MYL4: variants seen among roughly 807,000 people sequenced by gnomAD.
The protein encoded by MYL4 is myosin light chain 4, also known as atrial myosin light chain 1.
MYL4 carries 16 observed loss-of-function variants against 21.6 expected under a neutral mutation model. That is an observed-to-expected ratio of 0.74 (90% confidence interval 0.50 to 1.12). The LOEUF is 1.12. Among genes scored for constraint, MYL4 ranks in the 50% most tolerant of loss-of-function variants. The pLI is 0.00. For missense variants in MYL4, 249 were observed against 252.9 expected, an observed-to-expected ratio of 0.98 and a Z score of 0.11; for synonymous variants, 82 against 95.7, an observed-to-expected ratio of 0.86 and a Z score of 0.83.
At chr17:47,206,702 T>C (rs1056035751), upstream of MYL4, among the ~76,000 whole-genome samples, 4 of 152,148 alleles carry the variant, frequency 2.6e-5, no homozygotes, top group African/African-American at 9.7e-5. Flanking sequence ...CAGGATTCTG[T>C]TGAACATGGT....
upstream of MYL4, among the ~76,000 whole-genome samples, chr17:47,199,737 CTTTT>C (rs33975035): frequency 2.0e-5 from 2 of 101,270 alleles, no homozygotes; most frequent in African/African-American, 3.8e-5. Context: ...GTAGTAAAGT[CTTTT>C]TTTTTTTTTT....
At chr17:47,205,259 A>G (rs2064723187), upstream of MYL4, among the ~76,000 whole-genome samples, 1 of 152,220 alleles carries the variant, frequency 6.6e-6, no homozygotes, top group African/African-American at 2.4e-5. Context: ...AGAAACCACC[A>G]GATGCTTCCC....
chr17:47,193,735 T>C, the MYL4 span, among the ~76,000 whole-genome samples: 5 of 151,306 alleles, frequency 3.3e-5, no homozygotes, highest in Non-Finnish European at 5.9e-5. Flanking sequence ...TTCCTTCCTT[T>C]CTTTCTTTCT....
chr17:47,208,529 G>A (rs1396407940), upstream of MYL4, among the ~76,000 whole-genome samples: 1 of 150,058 alleles, frequency 6.7e-6, no homozygotes, highest in Non-Finnish European at 1.5e-5. Flanking sequence ...AACAGTTCCT[G>A]GTACTGATAG....
At chr17:47,197,498 G>A (rs766785247), upstream of MYL4, among the ~76,000 whole-genome samples, 2 of 152,108 alleles carry the variant, frequency 1.3e-5, no homozygotes, top group Admixed American at 6.6e-5. Context: ...GCTAAATGGC[G>A]TATGACTAGG....
At chr17:47,201,748 A>C (rs112715159) in intron 1 of MYL4, among the ~76,000 whole-genome samples, 1 of 151,970 alleles carries the variant, frequency 6.6e-6, no homozygotes, top group Non-Finnish European at 1.5e-5. Flanking sequence ...GAGCCACTGC[A>C]CCTGGCCGGA....
chr17:47,194,941 A>G, the MYL4 span, among the ~76,000 whole-genome samples: 1 of 148,500 alleles, frequency 6.7e-6, no homozygotes, highest in Non-Finnish European at 1.5e-5. Flanking sequence ...GGGTTTTGCC[A>G]TGTTGCTCAG....
chr17:47,193,051 T>C, the MYL4 span, among the ~76,000 whole-genome samples: 1 of 152,172 alleles, frequency 6.6e-6, no homozygotes, highest in South Asian at 2.1e-4. Flanking sequence ...CACTGAAACA[T>C]AGCCCAGAGT....
intron 1 of MYL4, among the ~76,000 whole-genome samples, chr17:47,210,050 C>T (rs2149041210): frequency 6.6e-6 from 1 of 152,288 alleles, no homozygotes; most frequent in African/African-American, 2.4e-5. Flanking sequence ...CTCACAAACA[C>T]TCTTACGGCA....
At chr17:47,199,779 G>A (rs986118296), upstream of MYL4, among the ~76,000 whole-genome samples, 19 of 124,934 alleles carry the variant, frequency 1.5e-4, no homozygotes, top group South Asian at 5.3e-4. Flanking sequence ...TCTGTCACTC[G>A]CGCTGTAAAG....
the MYL4 span, among the ~76,000 whole-genome samples, chr17:47,190,276 T>C: frequency 4.6e-5 from 7 of 152,206 alleles, no homozygotes; most frequent in South Asian, 2.1e-4. Context: ...TCTGAACTTA[T>C]GTTCGCTTAG....
chr17:47,219,910 A>C lies in MYL4; in HGVS notation c.170A>C (p.Lys57Thr), dbSNP rs768696948. 30 of 1,614,088 alleles carry C rather than the reference A, an allele frequency of 1.9e-5. No individual in the cohort carries two copies. In the South Asian group the frequency reaches 3.3e-4, roughly 18 times the overall value. Residue 57 changes from lysine (K) to threonine (T), a missense_variant, in exon 3 of 7, where the codon AAA (lysine) becomes ACA (threonine). Transcript: ENST00000393450. ...DFTADQIEEF[K>T]EAFSLFDRTP... The stretch of plus-strand genomic sequence containing the variant: ...CTGGGTCTTCTCTCCACAGAGTTCA[A>C]AGAGGCCTTTTCATTGTTTGACCGG...
chr17:47,197,163 A>C (rs1352095102), upstream of MYL4, among the ~76,000 whole-genome samples: 1 of 137,884 alleles, frequency 7.3e-6, no homozygotes, highest in Admixed American at 8.1e-5. Flanking sequence ...CAGTGGCGCT[A>C]TCTCGGCTCA....
At chr17:47,189,544 C>A in the MYL4 span, 1 of 336,480 alleles carries the variant, frequency 3.0e-6, no homozygotes, top group Non-Finnish European at 5.8e-6. Flanking sequence ...GGTTGGGCTA[C>A]GCCAAATCTG....
upstream of MYL4, among the ~76,000 whole-genome samples, chr17:47,196,391 T>C (rs373947225): frequency 1.6e-3 from 240 of 152,310 alleles, 1 homozygote; most frequent in African/African-American, 5.4e-3. Context: ...ACCCGGTGTG[T>C]GGTATGTTGT....
chr17:47,227,394 T>G (rs898142249), downstream of MYL4, among the ~76,000 whole-genome samples: 1 of 152,244 alleles, frequency 6.6e-6, no homozygotes, highest in African/African-American at 2.4e-5. Context: ...CTAGACTGAC[T>G]TCCACTATTT....
intron 2 of MYL4, among the ~76,000 whole-genome samples, chr17:47,215,938 G>A (rs1464276636): frequency 6.6e-6 from 1 of 152,030 alleles, no homozygotes; most frequent in Non-Finnish European, 1.5e-5. Context: ...CTACAGGCAT[G>A]TACCATTGTT....
intron 5 of MYL4, 92 bp from the exon 6 acceptor site, chr17:47,222,922 G>A (rs1416848795): frequency 6.7e-7 from 1 of 1,485,876 alleles, no homozygotes; most frequent in African/African-American, 1.4e-5. Context: ...GAGCAGGAGG[G>A]TTAGAAGTCA....
chr17:47,194,899 C>T, the MYL4 span, among the ~76,000 whole-genome samples: 1 of 150,026 alleles, frequency 6.7e-6, no homozygotes, highest in Admixed American at 6.6e-5. Context: ...TGCCACCACG[C>T]CTGGCTATTT....
Sources: gnomAD v4.1 joint callset for allele counts (sites outside exome capture counted in the v4.1 genomes callset) on GRCh38, gnomAD v4.1.1 for gene constraint, MANE v1.5 for transcripts, NCBI Gene and HGNC (gene_info 2026-07-23, HGNC 2026-07-21) for gene names.